TRAPPC13: variants seen among roughly 807,000 people sequenced by gnomAD.
The protein encoded by TRAPPC13 is trafficking protein particle complex subunit 13.
A neutral mutation model predicts 54.0 loss-of-function variants in TRAPPC13; 39 were observed. That is an observed-to-expected ratio of 0.72 (90% confidence interval 0.56 to 0.94). The LOEUF is 0.94. Ranked by LOEUF, TRAPPC13 falls within the 40% of genes least tolerant of loss-of-function variation. The pLI, the probability that TRAPPC13 is intolerant of heterozygous loss-of-function variation, is 0.00. For missense variants in TRAPPC13, 386 were observed against 488.1 expected (o/e 0.79, Z 1.97); for synonymous variants, 148 against 167.7 (o/e 0.88, Z 0.91).
At chr5:65,662,003 A>G in intron 10 of TRAPPC13, 47 bp from the exon 11 acceptor site, 1 of 1,416,460 alleles carries the variant, frequency 7.1e-7, no homozygotes, top group Non-Finnish European at 9.6e-7. Flanking sequence ...TTAAAATGGA[A>G]AGGTTTTGTG....
At chr5:65,634,089 C>T (rs1401963182) in intron 1 of TRAPPC13, among the ~76,000 whole-genome samples, 4 of 147,300 alleles carry the variant, frequency 2.7e-5, no homozygotes, top group Non-Finnish European at 5.9e-5. Flanking sequence ...GGCTTCATGC[C>T]ATTCTCCTGC....
In TRAPPC13 at chr5:65,665,341, C is replaced by G. The variant is rs1757002929; in HGVS notation, c.*730C>G. 6.6e-6 allele frequency: 1 copy of G among 152,104 alleles called. No individual in the cohort carries two copies. The highest frequency in any genetic ancestry group is 2.4e-5 in the African/African-American group (1 of 41,412). The allele number at this position is 152,104 out of a possible 1,614,324, so 9.4% of individuals were successfully genotyped here. On this transcript the variant is annotated 3_prime_UTR_variant, in exon 13 of 13. Coordinates refer to ENST00000399438, the MANE Select transcript of TRAPPC13 (RefSeq NM_024941.4). ...AGTTTTTTCCTAGCTATTCGGTCAGCAGAAAAAGTTTGCTTAAAACAAAGG... is the reference window on the plus strand; with the variant it reads ...AGTTTTTTCCTAGCTATTCGGTCAGGAGAAAAAGTTTGCTTAAAACAAAGG...
At chr5:65,632,389 A>G (rs1397370230) in intron 1 of TRAPPC13, among the ~76,000 whole-genome samples, 1 of 152,184 alleles carries the variant, frequency 6.6e-6, no homozygotes, top group African/African-American at 2.4e-5. Flanking sequence ...GAAGGTTGGA[A>G]ACGCCTCCCC....
At chr5:65,651,857 T>TTG (rs1756464329) in intron 6 of TRAPPC13, among the ~76,000 whole-genome samples, 1 of 107,862 alleles carries the variant, frequency 9.3e-6, no homozygotes, top group African/African-American at 4.4e-5. Context: ...TTTTTTTTTT[T>TTG]TTTTTTTTTT....
At chr5:65,640,048 T>C (rs1291500612) in intron 4 of TRAPPC13, among the ~76,000 whole-genome samples, 1 of 152,196 alleles carries the variant, frequency 6.6e-6, no homozygotes, top group African/African-American at 2.4e-5. Flanking sequence ...GGATGCAAAT[T>C]TGTGCATACA....
chr5:65,647,208 A>C, intron 5 of TRAPPC13, 26 bp downstream of exon 5: 11 of 1,557,138 alleles, frequency 7.1e-6, no homozygotes, highest in Non-Finnish European at 9.5e-6. Context: ...ATTAGTTCTC[A>C]AAGGTTTTTA....
At chr5:65,630,267 T>C (rs1755474684) in intron 1 of TRAPPC13, 1 of 1,535,310 alleles carries the variant, frequency 6.5e-7, no homozygotes, top group Non-Finnish European at 8.7e-7. Flanking sequence ...GGAAGTCTTC[T>C]TAAAGGAAGA....
intron 5 of TRAPPC13, among the ~76,000 whole-genome samples, chr5:65,648,492 A>G (rs1371181051): frequency 6.6e-6 from 1 of 152,248 alleles, no homozygotes; most frequent in Non-Finnish European, 1.5e-5. Context: ...TTGAAATGGT[A>G]ATAAATGTGT....
chr5:65,646,516 C>CT (rs11410222), intron 4 of TRAPPC13, among the ~76,000 whole-genome samples: 90,870 of 151,856 alleles, frequency 0.6, 27,518 homozygotes, highest in South Asian at 0.65. Flanking sequence ...AGCTTCCCCC[C>CT]TTCCTTATTT....
chr5:65,642,328 A>T (rs1756001050), intron 4 of TRAPPC13, among the ~76,000 whole-genome samples: 1 of 152,166 alleles, frequency 6.6e-6, no homozygotes. Context: ...ATCTAAAAAA[A>T]AAAAAAATTT....
chr5:65,633,482 G>T (rs1002476218), intron 1 of TRAPPC13, among the ~76,000 whole-genome samples: 2 of 151,648 alleles, frequency 1.3e-5, no homozygotes, highest in African/African-American at 2.4e-5. Context: ...GAGTTTCACC[G>T]TGGTCTCGAT....
At chr5:65,646,277 T>C (rs981362600) in intron 4 of TRAPPC13, among the ~76,000 whole-genome samples, 3 of 152,120 alleles carry the variant, frequency 2.0e-5, no homozygotes, top group Admixed American at 6.5e-5. Flanking sequence ...AGTGCTACTT[T>C]AGATGAGGTA....
intron 4 of TRAPPC13, among the ~76,000 whole-genome samples, chr5:65,643,818 G>GAAAA (rs529875913): frequency 6.0e-5 from 3 of 49,934 alleles, no homozygotes; most frequent in East Asian, 6.6e-4. Flanking sequence ...CTCCGTCTCA[G>GAAAA]AAAAAAAAAA....
At chr5:65,631,169 A>G (rs748557633) in intron 1 of TRAPPC13, among the ~76,000 whole-genome samples, 1 of 151,916 alleles carries the variant, frequency 6.6e-6, no homozygotes, top group Non-Finnish European at 1.5e-5. Context: ...CACAGCTTAC[A>G]TGTCATTACT....
chr5:65,643,306 T>C (rs77037140), intron 4 of TRAPPC13, among the ~76,000 whole-genome samples: 11,224 of 152,130 alleles, frequency 0.074, 417 homozygotes, highest in East Asian at 0.099. Flanking sequence ...TTTCCATGTG[T>C]ACTTGAGAAG....
chr5:65,662,212 A>C, intron 11 of TRAPPC13, 62 bp downstream of exon 11: 1 of 1,221,142 alleles, frequency 8.2e-7, no homozygotes, highest in Non-Finnish European at 1.1e-6. Context: ...GATAATTTTA[A>C]AATCTTTTTG....
At chr5:65,652,898 T>A (rs1756521156) in intron 7 of TRAPPC13, among the ~76,000 whole-genome samples, 1 of 151,992 alleles carries the variant, frequency 6.6e-6, no homozygotes, top group African/African-American at 2.4e-5. Context: ...AATTAGTAGA[T>A]CTAACGCTGC....
intron 4 of TRAPPC13, among the ~76,000 whole-genome samples, chr5:65,642,807 C>G (rs1294000723): frequency 2.0e-5 from 3 of 152,142 alleles, no homozygotes; most frequent in African/African-American, 7.2e-5. Context: ...ACTGCAGTTG[C>G]ATACCACCAC....
At chr5:65,642,787 A>T (rs1756018180) in intron 4 of TRAPPC13, among the ~76,000 whole-genome samples, 1 of 152,170 alleles carries the variant, frequency 6.6e-6, no homozygotes, top group Non-Finnish European at 1.5e-5. Context: ...TAGCCTCGCG[A>T]GTTGCTGTAA....
Sources: allele counts gnomAD v4.1 joint callset (sites outside exome capture counted in the v4.1 genomes callset), GRCh38; gene constraint gnomAD v4.1.1; transcripts MANE v1.5; gene names NCBI Gene and HGNC (gene_info 2026-07-23, HGNC 2026-07-21).